FIP1L1: variants seen among roughly 807,000 people sequenced by gnomAD.
FIP1L1 encodes the protein pre-mRNA 3'-end-processing factor FIP1.
Under a neutral mutation model 84.6 loss-of-function variants are expected in FIP1L1, and 21 were observed. That is an observed-to-expected ratio of 0.25 (90% CI 0.18 to 0.36). The LOEUF (loss-of-function observed/expected upper bound fraction) is 0.36, where lower values mean the gene tolerates loss of function less well. Ranked by LOEUF, FIP1L1 falls within the 10% of genes least tolerant of loss-of-function variation. The pLI is 1.00. For missense variants in FIP1L1, 526 were observed against 751.1 expected, an observed-to-expected ratio of 0.70 and a Z score of 3.50; for synonymous variants, 263 against 242.3, an observed-to-expected ratio of 1.09 and a Z score of -0.80.
chr4:53,383,718 T>C (rs1360151087), intron 4 of FIP1L1, 55 bp from the exon 5 acceptor site: 2 of 1,492,968 alleles, frequency 1.3e-6, no homozygotes, highest in Non-Finnish European at 1.8e-6. Context: ...TTATTAGTAT[T>C]AGATGTTGAA....
chr4:53,417,192 T>C (rs1157840585), intron 11 of FIP1L1, among the ~76,000 whole-genome samples: 2 of 152,200 alleles, frequency 1.3e-5, no homozygotes, highest in Non-Finnish European at 2.9e-5. Flanking sequence ...CTCAGTGCTT[T>C]ATGTATAGCA....
chr4:53,458,302 T>C (rs1437366068), intron 16 of FIP1L1, among the ~76,000 whole-genome samples: 2 of 152,098 alleles, frequency 1.3e-5, no homozygotes, highest in African/African-American at 4.8e-5. Context: ...GGAGCAAAAA[T>C]TTTAAAAGCT....
At chr4:53,426,055 A>G (rs796689520) in intron 12 of FIP1L1, 90 bp downstream of exon 12, 27 of 841,290 alleles carry the variant, frequency 3.2e-5, no homozygotes, top group African/African-American at 3.1e-4. Context: ...TCATAGTGCT[A>G]TGCTGTGTTT....
intron 16 of FIP1L1, 99 bp from the exon 17 acceptor site, chr4:53,458,554 A>T (rs1446280625): frequency 2.5e-6 from 3 of 1,202,308 alleles, no homozygotes; most frequent in East Asian, 4.9e-5. Context: ...TAATGTGAGG[A>T]TTTTGGATTT....
At chr4:53,390,088 A>G (rs28459811) in intron 6 of FIP1L1, among the ~76,000 whole-genome samples, 19,739 of 151,932 alleles carry the variant, frequency 0.13, 2,554 homozygotes, top group African/African-American at 0.32. Context: ...GCGGGCGTGC[A>G]CCACCATGCT....
chr4:53,413,158 A>T (rs1194769859), intron 10 of FIP1L1, among the ~76,000 whole-genome samples: 1 of 150,954 alleles, frequency 6.6e-6, no homozygotes, highest in African/African-American at 2.4e-5. Flanking sequence ...TGTCTCCATC[A>T]TGTTTTTTTT....
intron 10 of FIP1L1, among the ~76,000 whole-genome samples, chr4:53,408,872 T>C (rs1755392678): frequency 6.6e-6 from 1 of 152,210 alleles, no homozygotes; most frequent in African/African-American, 2.4e-5. Flanking sequence ...TTCTCTGTAT[T>C]GGTTATTCTA....
At chr4:53,448,031 T>A (rs1774935192) in intron 15 of FIP1L1, among the ~76,000 whole-genome samples, 3 of 152,068 alleles carry the variant, frequency 2.0e-5, no homozygotes. Context: ...TCATCAGTTG[T>A]GTAAAGTCTT....
At chr4:53,417,763 ACTCTCT>A (rs58568620) in intron 11 of FIP1L1, among the ~76,000 whole-genome samples, 1,382 of 104,604 alleles carry the variant, frequency 0.013, 16 homozygotes, top group Middle Eastern at 0.02. Context: ...ACACACACAC[ACTCTCT>A]CTCTCTCTCT....
intron 12 of FIP1L1, among the ~76,000 whole-genome samples, chr4:53,427,666 A>T (rs978372884): frequency 2.0e-5 from 3 of 152,152 alleles, no homozygotes; most frequent in African/African-American, 7.2e-5. Context: ...TTAATTGAAT[A>T]CTTCAACTTT....
intron 3 of FIP1L1, 93 bp downstream of exon 3, chr4:53,379,357 T>G (rs1414255000): frequency 9.1e-7 from 1 of 1,095,562 alleles, no homozygotes; most frequent in Non-Finnish European, 1.3e-6. Flanking sequence ...AATCATTGGC[T>G]TCATTACAAC....
chr4:53,391,397 G>C, intron 8 of FIP1L1, 33 bp from the exon 9 acceptor site: 2 of 1,553,578 alleles, frequency 1.3e-6, no homozygotes, highest in Non-Finnish European at 1.8e-6. Flanking sequence ...ATATTATGTG[G>C]TATCTTAATG....
At chr4:53,426,653 G>A (rs1242752382) in intron 12 of FIP1L1, among the ~76,000 whole-genome samples, 1 of 152,018 alleles carries the variant, frequency 6.6e-6, no homozygotes, top group Non-Finnish European at 1.5e-5. Flanking sequence ...AAGCAAAATT[G>A]GGATACTATT....
chr4:53,391,642 T>A (rs1264172843), intron 9 of FIP1L1, 144 bp downstream of exon 9: 1 of 610,034 alleles, frequency 1.6e-6, no homozygotes, highest in Non-Finnish European at 2.9e-6. Flanking sequence ...ACAAATTTGC[T>A]GATTGTTGTT....
At chr4:53,445,237 A>G (rs1773689854) in intron 15 of FIP1L1, among the ~76,000 whole-genome samples, 1 of 152,144 alleles carries the variant, frequency 6.6e-6, no homozygotes. Flanking sequence ...TTTACATTTG[A>G]AAAATCTCCA....
At chr4:53,403,761 C>G (rs371970073) in intron 10 of FIP1L1, among the ~76,000 whole-genome samples, 11 of 152,112 alleles carry the variant, frequency 7.2e-5, no homozygotes, top group African/African-American at 2.7e-4. Flanking sequence ...GTATTGGGCT[C>G]GTTCTGTTGC....
At chr4:53,392,575 T>C (rs991522745) in intron 9 of FIP1L1, among the ~76,000 whole-genome samples, 1 of 152,236 alleles carries the variant, frequency 6.6e-6, no homozygotes, top group Non-Finnish European at 1.5e-5. Context: ...TATATTAAAC[T>C]TGACTGCAAT....
intron 10 of FIP1L1, among the ~76,000 whole-genome samples, chr4:53,404,329 A>G (rs1169999651): frequency 6.6e-6 from 1 of 151,824 alleles, no homozygotes; most frequent in Non-Finnish European, 1.5e-5. Context: ...GTCCCTGCAA[A>G]GGACATGAAC....
chr4:53,390,585 G>A lies in FIP1L1; in HGVS notation c.462G>A (p.Glu154=), dbSNP rs747516253. Residue 154 remains glutamate, a synonymous_variant, in exon 7 of 18, where the codon GAG becomes GAA. Coordinates refer to ENST00000337488, the MANE Select transcript of FIP1L1 (RefSeq NM_030917.4). Reference sequence around the variant, plus strand: ...GCATTAATGGAGTTCCACTCTTAGAGGTAGATTTGGATTCTTTTGAAGATA... The same window carrying A: ...GCATTAATGGAGTTCCACTCTTAGAAGTAGATTTGGATTCTTTTGAAGATA... ...PGSINGVPLL[E]VDLDSFEDKP... 1 of 1,612,660 alleles carries A rather than the reference G, an allele frequency of 6.2e-7. No individual in the cohort carries two copies. Among genetic ancestry groups the A allele is most frequent in the Non-Finnish European group, 8.5e-7 (1 of 1,179,064 alleles).
Sources: allele counts gnomAD v4.1 joint callset (sites outside exome capture counted in the v4.1 genomes callset), GRCh38; gene constraint gnomAD v4.1.1; transcripts MANE v1.5; gene names NCBI Gene and HGNC (gene_info 2026-07-23, HGNC 2026-07-21).